Variants in TGM2 observed in about 807,000 individuals in gnomAD.
TGM2 encodes the protein transglutaminase 2.
Under a neutral mutation model 75.6 loss-of-function variants are expected in TGM2, and 53 were observed. The ratio of observed to expected loss-of-function variants is 0.70; its 90% CI spans 0.56 to 0.88. TGM2 has a LOEUF of 0.88. Among genes scored for constraint, TGM2 ranks in the 40% least tolerant of loss-of-function variants. The probability of loss-of-function intolerance (pLI) is 0.00; values close to 1 mark genes in which losing one functional copy is unlikely to be tolerated. For missense variants in TGM2, 842 were observed against 928.5 expected, an observed-to-expected ratio of 0.91 and a Z score of 1.21; for synonymous variants, 374 against 381.1, an observed-to-expected ratio of 0.98 and a Z score of 0.22.
chr20:38,155,556 G>A (rs919223944), intron 3 of TGM2, among the ~76,000 whole-genome samples: 1 of 152,088 alleles, frequency 6.6e-6, no homozygotes, highest in African/African-American at 2.4e-5. Flanking sequence ...TGTTGCCCAG[G>A]CTGGTCTTTA....
At position 38,153,528 on chromosome 20, in the gene TGM2, A is replaced by AAAAAAAAAAAAAAAAAAAAAAG. The variant is rs56670550; in HGVS notation, c.433+2318_433+2319insCTTTTTTTTTTTTTTTTTTTTT. 5.3e-4 allele frequency among the ~76,000 whole-genome samples: 66 copies of AAAAAAAAAAAAAAAAAAAAAAG among 125,222 alleles called. 1 individual carries two copies. Among genetic ancestry groups the AAAAAAAAAAAAAAAAAAAAAAG allele is most frequent in the East Asian group, 1.8e-3 (6 of 3,388 alleles). 82.2% of individuals were successfully genotyped at this position (125,222 alleles called of 152,430 possible). A position where few individuals can be genotyped will look rare whatever the true frequency, so the allele number is the denominator to read the frequency against. ...TGACAGAGAGAGCCTTGGTCTCAAA[A>AAAAAAAAAAAAAAAAAAAAAAG]AAAAGAAAAAAAAAAAAAGAATGAA... On this transcript the variant is annotated intron_variant, in intron 3 of 12. Coordinates refer to ENST00000361475, the MANE Select transcript of TGM2 (RefSeq NM_004613.4).
At chr20:38,141,982 CT>C in intron 7 of TGM2, 81 bp downstream of exon 7, 1 of 1,561,450 alleles carries the variant, frequency 6.4e-7, no homozygotes, top group Non-Finnish European at 8.8e-7. Context: ...CAAATGTGAC[CT>C]CCTCCAAGAA....
intron 2 of TGM2, among the ~76,000 whole-genome samples, chr20:38,157,421 G>A (rs2075201635): frequency 6.6e-6 from 1 of 152,190 alleles, no homozygotes; most frequent in East Asian, 1.9e-4. Flanking sequence ...CCCTACGTCT[G>A]GCTCCCTGAC....
At chr20:38,138,475 T>C in intron 9 of TGM2, 90 bp from the exon 10 acceptor site, 1 of 1,604,250 alleles carries the variant, frequency 6.2e-7, no homozygotes, top group Non-Finnish European at 8.5e-7. Context: ...CGCAGAGGCC[T>C]GATGACTCAG....
intron 10 of TGM2, among the ~76,000 whole-genome samples, chr20:38,136,856 C>T (rs1465656963): frequency 1.3e-5 from 2 of 152,194 alleles, no homozygotes; most frequent in African/African-American, 4.8e-5. Context: ...CTCTGAGGGC[C>T]TCAAGCTTAT....
intron 10 of TGM2, 129 bp from the exon 11 acceptor site, chr20:38,132,629 G>A: frequency 7.7e-7 from 1 of 1,299,746 alleles, no homozygotes. Flanking sequence ...TGGCTGGGCG[G>A]ATCCCTGAAC....
chr20:38,146,461 T>TG (rs45437493), intron 6 of TGM2: 71,374 of 563,658 alleles, frequency 0.13, 5,431 homozygotes, highest in East Asian at 0.26. Flanking sequence ...TTTGAGAACG[T>TG]GGGCTCCAGT....
At chr20:38,137,281 C>A (rs1447750907) in intron 10 of TGM2, among the ~76,000 whole-genome samples, 1 of 151,964 alleles carries the variant, frequency 6.6e-6, no homozygotes, top group East Asian at 1.9e-4. Context: ...GGCCAGGAGT[C>A]CGAGACCAGC....
chr20:38,132,175 G>A (rs1255242042), intron 11 of TGM2, among the ~76,000 whole-genome samples, 165 bp downstream of exon 11: 1 of 152,098 alleles, frequency 6.6e-6, no homozygotes, highest in Non-Finnish European at 1.5e-5. Context: ...AATTCTCTAG[G>A]CTTCATGATG....
At chr20:38,142,787 AG>A (rs1455359442) in intron 6 of TGM2, among the ~76,000 whole-genome samples, 1 of 152,242 alleles carries the variant, frequency 6.6e-6, no homozygotes, top group Admixed American at 6.5e-5. Context: ...CTTGAGGTCA[AG>A]GCCAGTGCCC....
chr20:38,146,918 G>A, intron 5 of TGM2, 24 bp from the exon 6 acceptor site: 1 of 1,608,714 alleles, frequency 6.2e-7, no homozygotes, highest in Non-Finnish European at 8.5e-7. Context: ...GGCAGCACGG[G>A]GACTGAGCCT....
chr20:38,157,443 G>A (rs1335354231), intron 2 of TGM2, among the ~76,000 whole-genome samples: 1 of 152,230 alleles, frequency 6.6e-6, no homozygotes, highest in African/African-American at 2.4e-5. Flanking sequence ...CTGCCCCTGA[G>A]CACTGTGTGA....
chr20:38,165,278 C>T, upstream of TGM2: 2 of 1,599,560 alleles, frequency 1.3e-6, no homozygotes, highest in South Asian at 1.1e-5. Context: ...ACTGCCGAGG[C>T]GGAGAGCGGC....
chr20:38,137,606 G>A (rs963512223), intron 10 of TGM2, among the ~76,000 whole-genome samples: 4 of 152,216 alleles, frequency 2.6e-5, no homozygotes, highest in African/African-American at 9.6e-5. Flanking sequence ...TGTGGAAAGT[G>A]CAACAGGCAC....
At chr20:38,149,158 A>T (rs893060764) in intron 4 of TGM2, among the ~76,000 whole-genome samples, 1 of 152,202 alleles carries the variant, frequency 6.6e-6, no homozygotes. Flanking sequence ...TTTCACTTGC[A>T]TAGTTCCCTT....
chr20:38,141,724 G>GC (rs1174414320), intron 7 of TGM2, among the ~76,000 whole-genome samples: 8 of 87,832 alleles, frequency 9.1e-5, no homozygotes, highest in South Asian at 4.3e-4. Flanking sequence ...CCACGCCCCA[G>GC]CCCCCCGCCC....
At chr20:38,155,693 G>C (rs1263337412) in intron 3 of TGM2, among the ~76,000 whole-genome samples, 154 bp downstream of exon 3, 1 of 152,164 alleles carries the variant, frequency 6.6e-6, no homozygotes, top group African/African-American at 2.4e-5. Flanking sequence ...CTCATGTCTT[G>C]AGGGTTTTGT....
chr20:38,139,728 TC>T, intron 8 of TGM2, 74 bp from the exon 9 acceptor site: 1 of 1,590,214 alleles, frequency 6.3e-7, no homozygotes, highest in Non-Finnish European at 8.6e-7. Context: ...GCTCCACAAT[TC>T]AATCACATGT....
At chr20:38,160,843 T>A (rs1171606105) in intron 2 of TGM2, among the ~76,000 whole-genome samples, 1 of 152,208 alleles carries the variant, frequency 6.6e-6, no homozygotes, top group East Asian at 1.9e-4. Flanking sequence ...TTTTTCTTTT[T>A]TCTTTTAAGG....
Sources: gnomAD v4.1 joint callset for allele counts (sites outside exome capture counted in the v4.1 genomes callset) on GRCh38, gnomAD v4.1.1 for gene constraint, MANE v1.5 for transcripts, NCBI Gene and HGNC (gene_info 2026-07-23, HGNC 2026-07-21) for gene names.